JHY: variants seen among roughly 807,000 people sequenced by gnomAD.
The protein encoded by JHY is junctional cadherin complex regulator.
A neutral mutation model predicts 78.0 loss-of-function variants in JHY; 69 were observed. The ratio of observed to expected loss-of-function variants is 0.88; its 90% CI spans 0.73 to 1.08. JHY has a LOEUF of 1.08. Among genes scored for constraint, JHY ranks in the 50% least tolerant of loss-of-function variants. The pLI, the probability that JHY is intolerant of heterozygous loss-of-function variation, is 0.00. For missense variants in JHY, 944 were observed against 927.8 expected (o/e 1.02, Z -0.23); for synonymous variants, 368 against 342.6 (o/e 1.07, Z -0.82).
In JHY at chr11:122,934,951, G is replaced by T. The variant is rs754007276; in HGVS notation, c.1510G>T (p.Val504Leu). 6 of 1,614,060 alleles carry T rather than the reference G, an allele frequency of 3.7e-6. No homozygotes were observed. The highest frequency in any genetic ancestry group is 3.4e-6 in the Non-Finnish European group (4 of 1,180,020). Residue 504 changes from valine to leucine, a missense_variant, in exon 5 of 9, where the codon GTG becomes TTG. Transcript: ENST00000227349. ...NNLNELSKRH[V>L]LLSQKGSQFV... ...CCTTAATGAACTTTCTAAGAGACAC[G>T]TGCTCCTGAGCCAGAAAGGCTCTCA... is the stretch of plus-strand genomic sequence containing the variant.
At chr11:122,919,577 T>C (rs746277747) in intron 3 of JHY, among the ~76,000 whole-genome samples, 3 of 151,950 alleles carry the variant, frequency 2.0e-5, no homozygotes, top group Non-Finnish European at 4.4e-5. Flanking sequence ...AGATGGAGGG[T>C]AATGGAAAAG....
At chr11:122,929,640 C>T (rs1038473727) in intron 4 of JHY, among the ~76,000 whole-genome samples, 6 of 152,144 alleles carry the variant, frequency 3.9e-5, no homozygotes, top group Admixed American at 3.3e-4. Context: ...GTGCAAGGGA[C>T]ATTACACATG....
chr11:122,885,073 G>A (rs192724026), intron 1 of JHY, among the ~76,000 whole-genome samples: 29 of 151,476 alleles, frequency 1.9e-4, no homozygotes, highest in Non-Finnish European at 3.8e-4. Flanking sequence ...GCCTCCCAAA[G>A]TGCTGGTATT....
chr11:122,957,189 G>T (rs538533259), intron 7 of JHY, among the ~76,000 whole-genome samples, 174 bp from the exon 8 acceptor site: 1 of 145,772 alleles, frequency 6.9e-6, no homozygotes, highest in East Asian at 2.2e-4. Flanking sequence ...CTATTTCAAG[G>T]AGAAACAATT....
At chr11:122,903,890 C>A in intron 2 of JHY, 35 bp from the exon 3 acceptor site, 1 of 1,527,546 alleles carries the variant, frequency 6.5e-7, no homozygotes, top group South Asian at 1.3e-5. Flanking sequence ...TTTATTTCAA[C>A]TAAGGACTTG....
chr11:122,907,135 G>A lies in JHY; in HGVS notation c.864+2691G>A, dbSNP rs149359002. Among the ~76,000 whole-genome samples, 874 of 152,208 alleles carry A rather than the reference G, an allele frequency of 5.7e-3. 6 individuals carry two copies. Among genetic ancestry groups the A allele is most frequent in the African/African-American group, 0.02 (822 of 41,542 alleles). ...CCTGAGTGACTGGGACTATAGGTGT[G>A]CATCACTGACCTGGCTTCCTATTAC... On this transcript the variant is annotated intron_variant, in intron 3 of 8. Transcript: ENST00000227349.
At position 122,914,869 on chromosome 11, in the gene JHY, G is replaced by C. The variant is rs150989885; in HGVS notation, c.865-10028G>C. Among the ~76,000 whole-genome samples the C allele has an allele frequency of 4.6e-5, 7 of 152,116 alleles. No homozygotes were observed. In the East Asian group the frequency reaches 1.4e-3, roughly 29 times the overall value. On this transcript the variant is annotated intron_variant, in intron 3 of 8. Transcript: ENST00000227349. Reference sequence around the variant, plus strand: ...ATTTTGCCCTCTGCTATTACTACAAGAGCACTTACTTATGACAGCATAATT... The same window carrying C: ...ATTTTGCCCTCTGCTATTACTACAACAGCACTTACTTATGACAGCATAATT...
chr11:122,940,677 G>A (rs576838395), intron 5 of JHY, among the ~76,000 whole-genome samples: 114 of 152,222 alleles, frequency 7.5e-4, no homozygotes, highest in African/African-American at 2.6e-3. Context: ...ACAGCTTTTT[G>A]TACAGTGGTT....
chr11:122,950,054 G>A (rs1218144284), intron 6 of JHY, among the ~76,000 whole-genome samples: 5 of 151,924 alleles, frequency 3.3e-5, no homozygotes, highest in African/African-American at 4.8e-5. Flanking sequence ...GGCTGGTCTC[G>A]AACTCCTGAC....
intron 3 of JHY, among the ~76,000 whole-genome samples, chr11:122,906,579 C>T (rs1228115352): frequency 6.6e-6 from 1 of 152,090 alleles, no homozygotes; most frequent in Non-Finnish European, 1.5e-5. Flanking sequence ...GAAGCTGATC[C>T]GGAAGGAGAA....
chr11:122,892,712 G>A (rs987340903), intron 2 of JHY, among the ~76,000 whole-genome samples: 2 of 152,144 alleles, frequency 1.3e-5, no homozygotes, highest in Non-Finnish European at 2.9e-5. Context: ...GTCAGGTGAA[G>A]TATTGAATGA....
At chr11:122,897,275 A>T (rs1437017250) in intron 2 of JHY, among the ~76,000 whole-genome samples, 2 of 151,650 alleles carry the variant, frequency 1.3e-5, no homozygotes, top group South Asian at 4.2e-4. Flanking sequence ...CCCAAGCTGG[A>T]GTGCAGTGGC....
At chr11:122,932,919 T>C (rs192821671) in intron 4 of JHY, among the ~76,000 whole-genome samples, 13 of 152,228 alleles carry the variant, frequency 8.5e-5, no homozygotes, top group Non-Finnish European at 8.8e-5. Flanking sequence ...TTAAAGTAAG[T>C]AGGAGCTAAT....
chr11:122,928,236 C>G (rs1207713067), intron 4 of JHY, among the ~76,000 whole-genome samples: 3 of 152,082 alleles, frequency 2.0e-5, no homozygotes, highest in African/African-American at 7.2e-5. Flanking sequence ...GGGAGGACTG[C>G]TAGAGGCCAG....
rs1341610309 is a variant in JHY, at chr11:122,935,413, T to G, written c.1634+338T>G. 6.6e-6 allele frequency among the ~76,000 whole-genome samples: 1 copy of G among 152,088 alleles called. No homozygotes were observed. Among genetic ancestry groups the G allele is most frequent in the Non-Finnish European group, 1.5e-5 (1 of 68,018 alleles). ...CCACACCGGGCTAATTTTTGTATTT[T>G]TAGTAGAGACAGAGTTTCAGCATGT... On this transcript the variant is annotated intron_variant, in intron 5 of 8. Coordinates refer to ENST00000227349, the MANE Select transcript of JHY (RefSeq NM_024806.4). The surrounding 1 kb of genome is among the most constrained non-coding windows in gnomAD (Gnocchi z 4.5).
At chr11:122,958,733 C>T (rs751489770) in intron 8 of JHY, 24 of 984,766 alleles carry the variant, frequency 2.4e-5, no homozygotes, top group Non-Finnish European at 2.7e-5. Context: ...TTTTCAGCGT[C>T]TAGATTGCTA....
chr11:122,914,128 G>A (rs1863186656), intron 3 of JHY, among the ~76,000 whole-genome samples: 1 of 152,082 alleles, frequency 6.6e-6, no homozygotes, highest in African/African-American at 2.4e-5. Flanking sequence ...CAGAATTATT[G>A]AGATGATCAA....
Position 122,924,923 on chromosome 11 carries a change from C to T in JHY, c.891C>T (p.Asp297=), listed in dbSNP as rs1863462490. Residue 297 remains aspartate, a synonymous_variant, in exon 4 of 9, where the codon GAC becomes GAT. Transcript: ENST00000227349. The part of the protein sequence containing the change: ...EQISYPVRVT[D]KTSIQNAKEM... ...TCTCCTACCCCGTCAGAGTAACAGA[C>T]AAGACGTCTATTCAGAATGCCAAGG... 1 of 1,613,952 alleles carries T rather than the reference C, an allele frequency of 6.2e-7. No individual in the cohort carries two copies.
At chr11:122,922,611 C>G (rs1232894032) in intron 3 of JHY, among the ~76,000 whole-genome samples, 3 of 151,690 alleles carry the variant, frequency 2.0e-5, no homozygotes, top group African/African-American at 4.8e-5. Flanking sequence ...GAGATAGAGA[C>G]CATCCTGGCT....
Sources: allele counts gnomAD v4.1 joint callset (sites outside exome capture counted in the v4.1 genomes callset), GRCh38; gene constraint gnomAD v4.1.1; non-coding constraint Gnocchi (gnomAD v3.1); transcripts MANE v1.5; gene names NCBI Gene and HGNC (gene_info 2026-07-23, HGNC 2026-07-21).